MVB12A: variants seen among roughly 807,000 people sequenced by gnomAD.
MVB12A encodes the protein CIN85/CD2AP family binding protein.
A neutral mutation model predicts 34.3 loss-of-function variants in MVB12A; 30 were observed. That is an observed-to-expected ratio of 0.88 (90% CI 0.65 to 1.19). MVB12A has a LOEUF of 1.19. MVB12A is among the 50% of genes most tolerant of loss of function. MVB12A has a pLI of 0.00. For synonymous variants in MVB12A, 158 were observed against 158.9 expected (o/e 0.99, Z 0.04); for missense variants, 355 against 369.2 (o/e 0.96, Z 0.31).
chr19:17,417,686 G>A (rs10403558), upstream of MVB12A: 32,706 of 155,076 alleles, frequency 0.21, 3,852 homozygotes, highest in African/African-American at 0.33. Flanking sequence ...GAGTCCAGAC[G>A]GTGGCCTTTT....
At position 17,423,771 on chromosome 19, in the gene MVB12A, C is replaced by T. The variant is rs978973590; in HGVS notation, c.612C>T (p.Tyr204=). 3.8e-5 allele frequency: 61 copies of T among 1,613,854 alleles called. No individual in the cohort carries two copies. Among genetic ancestry groups the T allele is most frequent in the Middle Eastern group, 1.6e-4 (1 of 6,084 alleles). Residue 204 remains tyrosine (Y), a synonymous_variant, in exon 6 of 9, where the codon TAC becomes TAT. Coordinates refer to ENST00000317040, the MANE Select transcript of MVB12A (RefSeq NM_138401.4). Reference sequence around the variant, plus strand: ...CTCTGCGGAGGAATGACTCCATCTACGAGGCCTCCAGCCTCTATGGCATCT... The same window carrying T: ...CTCTGCGGAGGAATGACTCCATCTATGAGGCCTCCAGCCTCTATGGCATCT... ...ASTLRRNDSI[Y]EASSLYGISA... is the part of the protein sequence containing the mutation.
chr19:17,425,318 T>G lies in MVB12A; in HGVS notation c.*325T>G. 5.6e-5 allele frequency: 18 copies of G among 323,430 alleles called. No individual in the cohort carries two copies. Among genetic ancestry groups the G allele is most frequent in the East Asian group, 1.7e-4 (3 of 17,592 alleles). The allele number at this position is 323,430 out of a possible 1,614,324, so 20.0% of individuals were successfully genotyped here. ...CGGGTGTCCTCCTGGCAATAAACAC[T>G]ACCCGGTTCTCGCCCTCTGGAGTCC... On this transcript the variant is annotated 3_prime_UTR_variant, in exon 9 of 9. Coordinates refer to ENST00000317040, the MANE Select transcript of MVB12A (RefSeq NM_138401.4).
rs376796625 is a variant in MVB12A at position 17,423,776 on chromosome 19, C to A, written c.617C>A (p.Ala206Asp). ...TLRRNDSIYE[A>D]SSLYGISAMD... ...CGGAGGAATGACTCCATCTACGAGG[C>A]CTCCAGCCTCTATGGCATCTCAGGT... Residue 206 changes from alanine (A) to aspartate (D), a missense_variant, in exon 6 of 9, where the codon GCC becomes GAC. Coordinates refer to ENST00000317040, the MANE Select transcript of MVB12A (RefSeq NM_138401.4). 1 of 1,613,948 alleles carries A rather than the reference C, an allele frequency of 6.2e-7. No individual in the cohort carries two copies. The highest frequency in any genetic ancestry group is 8.5e-7 in the Non-Finnish European group (1 of 1,179,902).
At chr19:17,409,647 C>T (rs981351650) in intron 2 of MVB12A, among the ~76,000 whole-genome samples, 6 of 150,244 alleles carry the variant, frequency 4.0e-5, no homozygotes, top group African/African-American at 1.2e-4. Flanking sequence ...GTTTAGGTTT[C>T]TCCATGTTGG....
chr19:17,410,496 T>TTATATATGTATGTATATA (rs1568387298), intron 2 of MVB12A, among the ~76,000 whole-genome samples: 2 of 31,514 alleles, frequency 6.3e-5, no homozygotes, highest in African/African-American at 2.0e-4. Context: ...GGTTTTAGCT[T>TTATATATGTATGTATATA]CATATATATA....
chr19:17,417,933 G>T (rs62127837), upstream of MVB12A: 71,686 of 246,506 alleles, frequency 0.29, 11,380 homozygotes, highest in Non-Finnish European at 0.36. Flanking sequence ...GTTTCACTCT[G>T]TCGCCCAGGC....
At chr19:17,410,537 C>CAT (rs1386001180) in intron 2 of MVB12A, among the ~76,000 whole-genome samples, 4 of 71,802 alleles carry the variant, frequency 5.6e-5, no homozygotes, top group African/African-American at 6.6e-5. Context: ...TATACACACA[C>CAT]ACATATATAT....
intron 2 of MVB12A, among the ~76,000 whole-genome samples, chr19:17,406,604 T>G (rs1259629393): frequency 2.0e-5 from 3 of 151,356 alleles, no homozygotes; most frequent in Non-Finnish European, 4.4e-5. Context: ...CCTGGGGAAC[T>G]CCCCCCAGGC....
At chr19:17,417,821 C>A (rs371656206), upstream of MVB12A, 6 of 304,814 alleles carry the variant, frequency 2.0e-5, no homozygotes, top group African/African-American at 6.7e-5. Context: ...TTCACTGACA[C>A]TGTCTTCCAA....
upstream of MVB12A, chr19:17,415,302 C>G (rs996492283): frequency 6.6e-6 from 1 of 152,170 alleles, no homozygotes; most frequent in South Asian, 2.1e-4. Context: ...TACCCAACCC[C>G]CTTCCTCAAA....
Position 17,420,581 on chromosome 19 carries a change from A to T in MVB12A, c.233A>T (p.Asp78Val). The change falls in exon 3 of 9, where the codon GAC (aspartate) becomes GTC (valine). Residue 78 changes from aspartate (D) to valine (V), a missense_variant. Asp to Val is a radical substitution (Grantham distance 152). Transcript: ENST00000317040. ...NVVADIQIVV[D>V]KSPLPLGFSP... is the part of the protein sequence containing the mutation. ...GTGGCCGATATCCAGATCGTGGTGG[A>T]CAAGAGCCCCCTGCCGCTGGGCTTC... 1 of 1,613,956 alleles carries T rather than the reference A, an allele frequency of 6.2e-7. No individual in the cohort carries two copies. The highest frequency in any genetic ancestry group is 8.5e-7 in the Non-Finnish European group (1 of 1,179,934).
chr19:17,420,383 T>C lies in MVB12A; in HGVS notation c.161T>C (p.Leu54Pro). Reference sequence around the variant, plus strand: ...TTCGCGCAGAAATCTGGCTACTTCCTGTGCCTTAGTTCTCTGGGCAGCCTA... The same window carrying C: ...TTCGCGCAGAAATCTGGCTACTTCCCGTGCCTTAGTTCTCTGGGCAGCCTA... ...KSFAQKSGYF[L>P]CLSSLGSLEN... The change falls in exon 2 of 9, where the codon CTG (leucine) becomes CCG (proline). Residue 54 changes from leucine to proline, a missense_variant. Physicochemically the swap from Leu to Pro is moderately conservative, Grantham distance 98. Coordinates refer to ENST00000317040, the MANE Select transcript of MVB12A (RefSeq NM_138401.4). The C allele has an allele frequency of 6.2e-7, 1 of 1,613,870 alleles. No individual in the cohort carries two copies. The highest frequency in any genetic ancestry group is 8.5e-7 in the Non-Finnish European group (1 of 1,179,906).
At chr19:17,405,847 G>A in intron 1 of MVB12A, 1 of 370,014 alleles carries the variant, frequency 2.7e-6, no homozygotes, top group Non-Finnish European at 5.1e-6. Flanking sequence ...GTGGCTGCCT[G>A]GGACACTCCA....
chr19:17,425,060 TCACTGCATCCTGGGGCCACCCCCA>T lies in MVB12A; in HGVS notation c.*69_*92del. ...CCCGCCAGCCTGGGGCCACCCCCCCTCACTGCATCCTGGGGCCACCCCCACTCACTGCATCCTGGGAACCTTCGC... is the reference window on the plus strand; with the variant it reads ...CCCGCCAGCCTGGGGCCACCCCCCCTCTCACTGCATCCTGGGAACCTTCGC... On this transcript the variant is annotated 3_prime_UTR_variant, in exon 9 of 9. Transcript: ENST00000317040. The T allele has an allele frequency of 1.8e-6, 1 of 550,846 alleles. No individual in the cohort carries two copies. Among genetic ancestry groups the T allele is most frequent in the Non-Finnish European group, 2.8e-6 (1 of 361,610 alleles). The allele number at this position is 550,846 out of a possible 1,614,324, so 34.1% of individuals were successfully genotyped here.
intron 2 of MVB12A, among the ~76,000 whole-genome samples, chr19:17,411,798 G>GA (rs67935825): frequency 1.3e-4 from 20 of 149,390 alleles, no homozygotes; most frequent in South Asian, 4.2e-4. Flanking sequence ...ACCTGGCTAA[G>GA]AAAAAAAAAA....
chr19:17,412,960 A>G (rs981264208), intron 2 of MVB12A: 1 of 152,170 alleles, frequency 6.6e-6, no homozygotes, highest in African/African-American at 2.4e-5. Context: ...TGTAAACCTA[A>G]GGTTACGTAT....
At chr19:17,418,837 T>A (rs1444976248), upstream of MVB12A, 1 of 136,686 alleles carries the variant, frequency 7.3e-6, no homozygotes, top group African/African-American at 2.8e-5. Flanking sequence ...CCTGTTGCCA[T>A]GACAGCCCTG....
At position 17,422,394 on chromosome 19, in the gene MVB12A, A is replaced by T. The variant is rs750493615; in HGVS notation, c.349A>T (p.Thr117Ser). ...GCTGTTGCCCCTGGGAGCCACGGAC[A>T]CGGCTGTGTTTGATGTCCGGCTGAG... ...VKLLPLGATD[T>S]AVFDVRLSGK... The change falls in exon 4 of 9, where the codon ACG (threonine) becomes TCG (serine). Residue 117 changes from threonine (T) to serine (S), a missense_variant. Physicochemically the swap from Thr to Ser is moderately conservative, Grantham distance 58. Coordinates refer to ENST00000317040, the MANE Select transcript of MVB12A (RefSeq NM_138401.4). 6.2e-7 allele frequency: 1 copy of T among 1,613,624 alleles called. No individual in the cohort carries two copies. Among genetic ancestry groups the T allele is most frequent in the South Asian group, 1.1e-5 (1 of 91,022 alleles).
intron 2 of MVB12A, among the ~76,000 whole-genome samples, chr19:17,409,441 CTTTT>C (rs781196057): frequency 0.026 from 2,039 of 78,192 alleles, 65 homozygotes; most frequent in African/African-American, 0.11. Context: ...TCTGCCATTA[CTTTT>C]TTTTTTTTTT....
Sources: allele counts gnomAD v4.1 joint callset (sites outside exome capture counted in the v4.1 genomes callset), GRCh38; gene constraint gnomAD v4.1.1; transcripts MANE v1.5; gene names NCBI Gene and HGNC (gene_info 2026-07-23, HGNC 2026-07-21).